Variants in TNFRSF10B observed in about 807,000 individuals in gnomAD.
TNFRSF10B encodes the protein tumor necrosis factor receptor superfamily member 10B.
Under a neutral mutation model 41.4 loss-of-function variants are expected in TNFRSF10B, and 35 were observed. The ratio of observed to expected loss-of-function variants is 0.85; its 90% confidence interval spans 0.65 to 1.12. TNFRSF10B has a LOEUF of 1.12. Among genes scored for constraint, TNFRSF10B ranks in the 50% most tolerant of loss-of-function variants. The pLI, the probability that TNFRSF10B is intolerant of heterozygous loss-of-function variation, is 0.00. For synonymous variants in TNFRSF10B, 230 were observed against 215.5 expected, an observed-to-expected ratio of 1.07 and a Z score of -0.59; for missense variants, 584 against 552.7, an observed-to-expected ratio of 1.06 and a Z score of -0.57.
intron 7 of TNFRSF10B, among the ~76,000 whole-genome samples, chr8:23,025,086 G>A (rs936890744): frequency 6.6e-6 from 1 of 152,244 alleles, no homozygotes; most frequent in Non-Finnish European, 1.5e-5. Flanking sequence ...AGAAGGTCAA[G>A]GCTGCAGTGA....
intron 2 of TNFRSF10B, among the ~76,000 whole-genome samples, chr8:23,032,709 G>A (rs939566839): frequency 1.5e-4 from 23 of 152,076 alleles, no homozygotes; most frequent in African/African-American, 5.1e-4. Flanking sequence ...AGTTTTCAGC[G>A]TAAAAGTTTT....
intron 8 of TNFRSF10B, 100 bp from the exon 9 acceptor site, chr8:23,023,084 G>T: frequency 6.9e-7 from 1 of 1,458,562 alleles, no homozygotes; most frequent in South Asian, 1.2e-5. Flanking sequence ...AACCTGGAGA[G>T]CCCCGTGTGC....
intron 2 of TNFRSF10B, among the ~76,000 whole-genome samples, chr8:23,040,592 A>G (rs950755286): frequency 6.6e-6 from 1 of 151,160 alleles, no homozygotes; most frequent in Non-Finnish European, 1.5e-5. Flanking sequence ...TAAGGGAGGA[A>G]CAAAATATAT....
At chr8:23,068,476 T>A in intron 1 of TNFRSF10B, 1 of 550,094 alleles carries the variant, frequency 1.8e-6, no homozygotes. Context: ...TTCACGCAGC[T>A]TACTCGGGAA....
At chr8:23,028,252 G>T in intron 5 of TNFRSF10B, 79 bp downstream of exon 5, 7 of 1,599,068 alleles carry the variant, frequency 4.4e-6, no homozygotes, top group Non-Finnish European at 4.3e-6. Flanking sequence ...GCAGGGGCAG[G>T]CGTTTCTGTC....
At chr8:23,056,075 C>T (rs1014313998) in intron 1 of TNFRSF10B, among the ~76,000 whole-genome samples, 1 of 152,140 alleles carries the variant, frequency 6.6e-6, no homozygotes, top group African/African-American at 2.4e-5. Flanking sequence ...CAGCCCGACC[C>T]TCAGTTTGGT....
chr8:23,043,140 G>C lies in TNFRSF10B; in HGVS notation c.248C>G (p.Pro83Arg). The stretch of plus-strand genomic sequence containing the variant: ...TTAGAGACCCATCTTGAACATACCA[G>C]GTGGACACAATCCCTCTGAGGGGCT... ...RSSPSEGLCP[P>R]GHHISEDGRD... The change falls in exon 2 of 9, where the codon CCT becomes CGT. Residue 83 changes from proline to arginine, a missense_variant and splice_region_variant. By Grantham distance (103) the Pro-to-Arg change is moderately radical. Transcript: ENST00000276431. The C allele has an allele frequency of 6.2e-7, 1 of 1,614,076 alleles. No individual in the cohort carries two copies. Among genetic ancestry groups the C allele is most frequent in the Middle Eastern group, 1.6e-4 (1 of 6,062 alleles).
Position 23,030,970 on chromosome 8 carries a change from C to T in TNFRSF10B, c.251-98G>A, listed in dbSNP as rs1811866624. On this transcript the variant is annotated intron_variant, in intron 2 of 8. Transcript: ENST00000276431. Reference sequence around the variant, plus strand: ...ACTCCTCTTTCAGGGATGTGTGGAACCAAAAGAGGGAAATCTCCTCTACCT... The same window carrying T: ...ACTCCTCTTTCAGGGATGTGTGGAATCAAAAGAGGGAAATCTCCTCTACCT... 8 of 837,778 alleles carry T rather than the reference C, an allele frequency of 9.5e-6. No homozygotes were observed. In the Admixed American group the frequency reaches 1.0e-4, roughly 10 times the overall value. 51.9% of individuals were successfully genotyped at this position (837,778 alleles called of 1,614,324 possible). A position where few individuals can be genotyped will look rare whatever the true frequency, so the allele number is the denominator to read the frequency against.
chr8:23,021,036 A>T lies in TNFRSF10B; in HGVS notation c.*1635T>A, dbSNP rs971759595. Reference sequence around the variant, plus strand: ...CTTCAGGCAATTCTAACTTTGTCCCACCCAAACCAGTCCCGGAACAAAACA... The same window carrying T: ...CTTCAGGCAATTCTAACTTTGTCCCTCCCAAACCAGTCCCGGAACAAAACA... On this transcript the variant is annotated 3_prime_UTR_variant, in exon 9 of 9. Transcript: ENST00000276431. 2.2e-6 allele frequency: 1 copy of T among 454,016 alleles called. No homozygotes were observed. The highest frequency in any genetic ancestry group is 4.4e-6 in the Non-Finnish European group (1 of 226,808). The allele number at this position is 454,016 out of a possible 1,614,324, so 28.1% of individuals were successfully genotyped here.
chr8:23,060,329 C>T (rs972997783), intron 1 of TNFRSF10B, among the ~76,000 whole-genome samples: 1 of 152,164 alleles, frequency 6.6e-6, no homozygotes, highest in Non-Finnish European at 1.5e-5. Flanking sequence ...CAATGTTAGG[C>T]TAAGGTTCAC....
At chr8:23,068,395 A>T in intron 1 of TNFRSF10B, 1 of 348,506 alleles carries the variant, frequency 2.9e-6, no homozygotes, top group Non-Finnish European at 5.3e-6. Flanking sequence ...GAAAGGAAGA[A>T]AGAGAAAAAG....
At chr8:23,033,188 G>A (rs186291557) in intron 2 of TNFRSF10B, among the ~76,000 whole-genome samples, 9 of 152,324 alleles carry the variant, frequency 5.9e-5, no homozygotes, top group Admixed American at 2.6e-4. Context: ...GAAAGGTAAT[G>A]GAGCACATTA....
intron 1 of TNFRSF10B, among the ~76,000 whole-genome samples, chr8:23,055,933 G>A (rs1335607223): frequency 6.6e-6 from 1 of 152,208 alleles, no homozygotes; most frequent in African/African-American, 2.4e-5. Flanking sequence ...AAGGATATAA[G>A]CTCTGAAACA....
chr8:23,061,280 C>T (rs1282023738), intron 1 of TNFRSF10B, among the ~76,000 whole-genome samples: 1 of 152,142 alleles, frequency 6.6e-6, no homozygotes, highest in Non-Finnish European at 1.5e-5. Flanking sequence ...CAAAATACAT[C>T]CTCCTTTATA....
At chr8:23,052,800 T>A (rs556535749) in intron 1 of TNFRSF10B, among the ~76,000 whole-genome samples, 17 of 152,220 alleles carry the variant, frequency 1.1e-4, no homozygotes, top group Non-Finnish European at 2.4e-4. Flanking sequence ...GGTCATAAAA[T>A]GCTTCTTTGA....
chr8:23,061,477 C>T (rs1812829213), intron 1 of TNFRSF10B, among the ~76,000 whole-genome samples: 1 of 152,122 alleles, frequency 6.6e-6, no homozygotes, highest in South Asian at 2.1e-4. Context: ...AAGATCATAT[C>T]ATCTGAAAAC....
chr8:23,068,850 C>A lies in TNFRSF10B; in HGVS notation c.45G>T (p.Arg15=). The change falls in exon 1 of 9, where the codon CGG becomes CGT. Residue 15 remains arginine (R), a synonymous_variant. Coordinates refer to ENST00000276431, the MANE Select transcript of TNFRSF10B (RefSeq NM_003842.5). ...CCCTGGGTCCTGGGCCGTGCCTTTTCCGGGCCCCCGAAGCGGCCGGGGCGT... is the reference window on the plus strand; with the variant it reads ...CCCTGGGTCCTGGGCCGTGCCTTTTACGGGCCCCCGAAGCGGCCGGGGCGT... ...GQNAPAASGA[R]KRHGPGPREA... is the part of the protein sequence containing the mutation. 6.2e-7 allele frequency: 1 copy of A among 1,613,404 alleles called. No homozygotes were observed. Among genetic ancestry groups the A allele is most frequent in the Non-Finnish European group, 8.5e-7 (1 of 1,179,942 alleles).
chr8:23,055,718 G>A (rs1372524968), intron 1 of TNFRSF10B, among the ~76,000 whole-genome samples: 1 of 151,950 alleles, frequency 6.6e-6, no homozygotes, highest in Non-Finnish European at 1.5e-5. Context: ...CACAAACAAG[G>A]GTATTGGAGG....
intron 2 of TNFRSF10B, among the ~76,000 whole-genome samples, chr8:23,037,059 A>T (rs1201118325): frequency 1.3e-5 from 2 of 152,210 alleles, no homozygotes; most frequent in East Asian, 3.9e-4. Context: ...GGGTAAAAAA[A>T]CCATGAAGAT....
Sources: gnomAD v4.1 joint callset for allele counts (sites outside exome capture counted in the v4.1 genomes callset) on GRCh38, gnomAD v4.1.1 for gene constraint, MANE v1.5 for transcripts, NCBI Gene and HGNC (gene_info 2026-07-23, HGNC 2026-07-21) for gene names.